GALNTL6: variants seen among roughly 807,000 people sequenced by gnomAD.
GALNTL6 encodes polypeptide N-acetylgalactosaminyltransferase-like 6.
Under a neutral mutation model 73.7 loss-of-function variants are expected in GALNTL6, and 46 were observed. That is an observed-to-expected ratio of 0.62 (90% CI 0.49 to 0.80). The LOEUF (loss-of-function observed/expected upper bound fraction) is 0.80, where lower values mean the gene tolerates loss of function less well. Ranked by LOEUF, GALNTL6 falls within the 30% of genes least tolerant of loss-of-function variation. GALNTL6 has a pLI of 0.00. For synonymous variants in GALNTL6, 259 were observed against 263.7 expected (o/e 0.98, Z 0.17); for missense variants, 604 against 755.0 (o/e 0.80, Z 2.34).
intron 2 of GALNTL6, among the ~76,000 whole-genome samples, chr4:172,034,819 G>T (rs1741886340): frequency 6.6e-6 from 1 of 152,030 alleles, no homozygotes; most frequent in East Asian, 1.9e-4. Flanking sequence ...GTATCTTTTG[G>T]TGCATCAACA....
At position 171,950,282 on chromosome 4, in the gene GALNTL6, A is replaced by G. The variant is rs762683777; in HGVS notation, c.138+135564A>G. ...CAAGAGAAATTCACTCAAAAATGAT[A>G]AGGAATGTACTTAGGGTAATAGGGA... On this transcript the variant is annotated intron_variant, in intron 2 of 12. Coordinates refer to ENST00000506823, the MANE Select transcript of GALNTL6 (RefSeq NM_001034845.3). Among the ~76,000 whole-genome samples the G allele has an allele frequency of 2.4e-4, 37 of 152,272 alleles. 1 individual carries two copies. Among genetic ancestry groups the G allele is most frequent in the Middle Eastern group, 3.4e-3 (1 of 294 alleles).
chr4:171,925,535 C>T (rs994181586), intron 2 of GALNTL6, among the ~76,000 whole-genome samples: 1 of 152,136 alleles, frequency 6.6e-6, no homozygotes, highest in Non-Finnish European at 1.5e-5. Context: ...AGATTTCAGG[C>T]TTGTATACAG....
intron 2 of GALNTL6, among the ~76,000 whole-genome samples, chr4:171,834,672 T>G (rs1735055554): frequency 6.6e-6 from 1 of 151,970 alleles, no homozygotes. Context: ...GAGGAAACAC[T>G]AGTGCTTGAA....
chr4:172,369,088 C>A (rs1005690323), intron 5 of GALNTL6, among the ~76,000 whole-genome samples: 2 of 152,140 alleles, frequency 1.3e-5, no homozygotes, highest in East Asian at 1.9e-4. Context: ...CTTATGTGCC[C>A]CCCCCCACAT....
chr4:173,027,347 T>C (rs1197377244), intron 12 of GALNTL6, among the ~76,000 whole-genome samples: 4 of 151,804 alleles, frequency 2.6e-5, no homozygotes, highest in Non-Finnish European at 4.4e-5. Context: ...GAGATAGAAA[T>C]AGATATAGAT....
intron 7 of GALNTL6, among the ~76,000 whole-genome samples, chr4:172,861,596 G>A (rs1022846639): frequency 6.6e-6 from 1 of 152,122 alleles, no homozygotes; most frequent in African/African-American, 2.4e-5. Context: ...AATATGGTTT[G>A]GCTATGTCCC....
At chr4:172,769,565 T>G (rs1738638084) in intron 5 of GALNTL6, among the ~76,000 whole-genome samples, 1 of 152,114 alleles carries the variant, frequency 6.6e-6, no homozygotes, top group Non-Finnish European at 1.5e-5. Flanking sequence ...AGCTGGGAGA[T>G]CCTCAAAAGG....
At chr4:172,361,438 T>C (rs969510351) in intron 5 of GALNTL6, among the ~76,000 whole-genome samples, 5 of 152,040 alleles carry the variant, frequency 3.3e-5, no homozygotes, top group African/African-American at 1.2e-4. Flanking sequence ...CCAATGTACA[T>C]AGCAAAACAA....
intron 5 of GALNTL6, among the ~76,000 whole-genome samples, chr4:172,649,815 A>T (rs1740395303): frequency 1.3e-5 from 2 of 152,128 alleles, no homozygotes; most frequent in African/African-American, 4.8e-5. Flanking sequence ...TATCAAAGTG[A>T]CCTTATACTT....
intron 2 of GALNTL6, among the ~76,000 whole-genome samples, chr4:171,895,226 T>C (rs376973667): frequency 3.3e-5 from 5 of 152,214 alleles, no homozygotes; most frequent in African/African-American, 4.8e-5. Context: ...GTGGTGTCCA[T>C]GTTCAGAAGA....
At chr4:171,994,461 G>T (rs75678813) in intron 2 of GALNTL6, among the ~76,000 whole-genome samples, 1 of 151,972 alleles carries the variant, frequency 6.6e-6, no homozygotes, top group South Asian at 2.1e-4. Flanking sequence ...TACTCTACAC[G>T]CATATTAAAA....
At chr4:172,968,477 T>C (rs561681760) in intron 10 of GALNTL6, among the ~76,000 whole-genome samples, 4 of 152,264 alleles carry the variant, frequency 2.6e-5, no homozygotes, top group Admixed American at 2.6e-4. Context: ...AAGTACTACC[T>C]TCTGGAAAGA....
intron 2 of GALNTL6, among the ~76,000 whole-genome samples, chr4:171,988,597 G>A (rs112277315): frequency 0.015 from 2,247 of 152,282 alleles, 23 homozygotes; most frequent in Non-Finnish European, 0.025. Context: ...GGGTGGATAG[G>A]CAAAACAATT....
At chr4:172,571,773 T>C (rs1180500983) in intron 5 of GALNTL6, among the ~76,000 whole-genome samples, 2 of 152,224 alleles carry the variant, frequency 1.3e-5, no homozygotes, top group Non-Finnish European at 2.9e-5. Context: ...GGCAAAATTA[T>C]GTGGCAGTTC....
intron 5 of GALNTL6, among the ~76,000 whole-genome samples, chr4:172,612,847 T>C: frequency 6.6e-6 from 1 of 152,150 alleles, no homozygotes; most frequent in East Asian, 1.9e-4. Flanking sequence ...TCAGCATATT[T>C]TGTTTTGCTT....
At chr4:172,729,666 A>G (rs12509227) in intron 5 of GALNTL6, among the ~76,000 whole-genome samples, 22,589 of 152,166 alleles carry the variant, frequency 0.15, 1,946 homozygotes, top group East Asian at 0.26. Flanking sequence ...GTCAGGTAGT[A>G]TGAGGCGACC....
intron 2 of GALNTL6, among the ~76,000 whole-genome samples, chr4:171,852,885 C>T (rs1187202673): frequency 6.6e-6 from 1 of 151,926 alleles, no homozygotes; most frequent in Admixed American, 6.6e-5. Flanking sequence ...CTTGCTCTGT[C>T]GCCCAGGCTG....
intron 5 of GALNTL6, among the ~76,000 whole-genome samples, chr4:172,760,768 G>A (rs1189142789): frequency 1.3e-5 from 2 of 152,076 alleles, no homozygotes; most frequent in Admixed American, 6.6e-5. Flanking sequence ...TCGCCCCACC[G>A]ACTACCCCCC....
At chr4:172,565,231 C>T (rs573173965) in intron 5 of GALNTL6, among the ~76,000 whole-genome samples, 35 of 152,258 alleles carry the variant, frequency 2.3e-4, no homozygotes, top group African/African-American at 6.7e-4. Context: ...TAGGTTTTAA[C>T]GTACTAATTT....
Sources: allele counts gnomAD v4.1 joint callset (sites outside exome capture counted in the v4.1 genomes callset), GRCh38; gene constraint gnomAD v4.1.1; transcripts MANE v1.5; gene names NCBI Gene and HGNC (gene_info 2026-07-23, HGNC 2026-07-21).